The following ACAD11 variants were observed in gnomAD, a reference collection of about 807,000 sequenced individuals.
ACAD11 encodes the protein acyl-CoA dehydrogenase family member 11, also known as acyl-Coenzyme A dehydrogenase family, member 11.
A neutral mutation model predicts 102.2 loss-of-function variants in ACAD11; 83 were observed. That is an observed-to-expected ratio of 0.81 (90% CI 0.68 to 0.97). The LOEUF (loss-of-function observed/expected upper bound fraction) is 0.97, where lower values mean the gene tolerates loss of function less well. Among genes scored for constraint, ACAD11 ranks in the 50% least tolerant of loss-of-function variants. The probability of loss-of-function intolerance (pLI) is 0.00; values close to 1 mark genes in which losing one functional copy is unlikely to be tolerated. For synonymous variants in ACAD11, 324 were observed against 319.8 expected (o/e 1.01, Z -0.14); for missense variants, 901 against 951.7 (o/e 0.95, Z 0.70).
chr3:132,605,274 T>C, intron 11 of ACAD11, 69 bp from the exon 12 acceptor site: 3 of 1,078,726 alleles, frequency 2.8e-6, no homozygotes, highest in South Asian at 3.0e-5. Flanking sequence ...CAACTTTATG[T>C]AGAGAGTATA....
chr3:132,585,132 G>T lies in ACAD11; in HGVS notation c.1622-5574C>A, dbSNP rs1473904743. 2.6e-5 allele frequency among the ~76,000 whole-genome samples: 4 copies of T among 152,186 alleles called. No homozygotes were observed. The East Asian group carries it at 5.9e-4, about 22-fold the overall frequency. ...ACAGTAACCAAACAGCATGGTACTG[G>T]TACCAAAACAGAGATATAGACCAAT... On this transcript the variant is annotated intron_variant, in intron 13 of 19. Coordinates refer to ENST00000264990, the MANE Select transcript of ACAD11 (RefSeq NM_032169.5).
At position 132,631,347 on chromosome 3, in the gene ACAD11, T is replaced by C. The variant is rs756342678; in HGVS notation, c.835A>G (p.Asn279Asp). 1.4e-6 allele frequency: 2 copies of C among 1,446,446 alleles called. No individual in the cohort carries two copies. The highest frequency in any genetic ancestry group is 1.8e-4 in the Middle Eastern group (1 of 5,478). The allele number at this position is 1,446,446 out of a possible 1,614,324, so 89.6% of individuals were successfully genotyped here. ...PMINQGSYSE[N>D]SGIPSMEELI... ...CAACATTATGTTTTTATACCTGAGT[T>C]TTCACTATAAGAACCTTGATTTATC... Residue 279 changes from asparagine (N) to aspartate (D), a missense_variant, in exon 6 of 20, where the codon AAC becomes GAC. Coordinates refer to ENST00000264990, the MANE Select transcript of ACAD11 (RefSeq NM_032169.5).
chr3:132,628,059 A>G (rs1329834457), intron 8 of ACAD11, among the ~76,000 whole-genome samples: 2 of 152,256 alleles, frequency 1.3e-5, no homozygotes, highest in Non-Finnish European at 2.9e-5. Context: ...AAGTGACTTA[A>G]ATATTAGAAA....
In ACAD11 at chr3:132,575,926, C is replaced by G. The variant is rs1286441660; in HGVS notation, c.1847G>C (p.Gly616Ala). The G allele has an allele frequency of 6.2e-7, 1 of 1,613,362 alleles. No individual in the cohort carries two copies. Among genetic ancestry groups the G allele is most frequent in the Non-Finnish European group, 8.5e-7 (1 of 1,179,610 alleles). Residue 616 changes from glycine (G) to alanine (A), a missense_variant and splice_region_variant, in exon 17 of 20, where the codon GGT becomes GCT. Coordinates refer to ENST00000264990, the MANE Select transcript of ACAD11 (RefSeq NM_032169.5). ...VRVPATNLIL[G>A]EGRGFEISQG... ...GGAAATTTCAAATCCCCTACCTTCACCTGGGAAGAAAGGGGAAAAAAAGGG... is the reference window on the plus strand; with the variant it reads ...GGAAATTTCAAATCCCCTACCTTCAGCTGGGAAGAAAGGGGAAAAAAAGGG...
chr3:132,632,869 G>A (rs1378760124), intron 5 of ACAD11, among the ~76,000 whole-genome samples: 1 of 151,950 alleles, frequency 6.6e-6, no homozygotes, highest in Non-Finnish European at 1.5e-5. Context: ...TCATGATTTG[G>A]CTCTCTGTCT....
intron 13 of ACAD11, among the ~76,000 whole-genome samples, chr3:132,584,424 C>T (rs942364123): frequency 6.6e-6 from 1 of 152,144 alleles, no homozygotes; most frequent in African/African-American, 2.4e-5. Context: ...AGACTTTCCT[C>T]CAGCCCTTTA....
At chr3:132,632,758 C>A (rs1189010185) in intron 5 of ACAD11, among the ~76,000 whole-genome samples, 3 of 152,164 alleles carry the variant, frequency 2.0e-5, no homozygotes, top group African/African-American at 7.2e-5. Flanking sequence ...TTTCATTGAG[C>A]AGTGGTTTGT....
intron 13 of ACAD11, chr3:132,601,281 A>C (rs1938582531): frequency 6.2e-7 from 1 of 1,613,888 alleles, no homozygotes; most frequent in Admixed American, 1.7e-5. Context: ...GCACTCTTTC[A>C]CAGCTGCCTC....
At chr3:132,565,571 C>A (rs900349734) in intron 17 of ACAD11, among the ~76,000 whole-genome samples, 1 of 152,130 alleles carries the variant, frequency 6.6e-6, no homozygotes, top group Non-Finnish European at 1.5e-5. Flanking sequence ...TACCAAAAAC[C>A]TGGAACAATT....
intron 6 of ACAD11, among the ~76,000 whole-genome samples, 194 bp downstream of exon 6, chr3:132,631,142 TTAAAG>T (rs1376334891): frequency 1.3e-5 from 2 of 150,062 alleles, no homozygotes; most frequent in African/African-American, 4.9e-5. Context: ...ACCCTAAAAC[TTAAAG>T]TATAATAAAA....
intron 7 of ACAD11, 69 bp from the exon 8 acceptor site, chr3:132,628,515 A>G (rs1328261918): frequency 1.8e-6 from 2 of 1,112,426 alleles, no homozygotes; most frequent in Non-Finnish European, 2.6e-6. Flanking sequence ...CAATCTTTCC[A>G]GTTTCTCAGT....
At chr3:132,640,448 A>T (rs1940449739) in intron 4 of ACAD11, among the ~76,000 whole-genome samples, 1 of 152,216 alleles carries the variant, frequency 6.6e-6, no homozygotes, top group Non-Finnish European at 1.5e-5. Context: ...TTTTACAGGT[A>T]TGAATAGTGT....
At chr3:132,593,495 T>C (rs1343215742) in intron 13 of ACAD11, among the ~76,000 whole-genome samples, 1 of 152,318 alleles carries the variant, frequency 6.6e-6, no homozygotes, top group African/African-American at 2.4e-5. Flanking sequence ...CTGAATTTGT[T>C]ACAAGTCATT....
intron 1 of ACAD11, among the ~76,000 whole-genome samples, chr3:132,646,917 T>C (rs1032680081): frequency 2.0e-5 from 3 of 152,108 alleles, no homozygotes; most frequent in Non-Finnish European, 4.4e-5. Context: ...AGAAAGTAGA[T>C]TAGTAGCAGC....
intron 13 of ACAD11, chr3:132,601,032 C>G: frequency 6.2e-7 from 1 of 1,613,792 alleles, no homozygotes; most frequent in Non-Finnish European, 8.5e-7. Context: ...TTTGTAGTAC[C>G]CTTTCTTATT....
At chr3:132,620,129 G>T (rs758274109) in intron 9 of ACAD11, among the ~76,000 whole-genome samples, 2 of 152,126 alleles carry the variant, frequency 1.3e-5, no homozygotes, top group Non-Finnish European at 2.9e-5. Context: ...CTGCTTGATG[G>T]GTAAAACCTA....
In ACAD11 at chr3:132,558,922, T is replaced by C; in HGVS notation, c.*49A>G. ...ATTCAAATGTTGGAGCCAATGAAGT[T>C]TGTATAAAGGAGAGTTTCTGCCAGT... On this transcript the variant is annotated 3_prime_UTR_variant, in exon 20 of 20. Transcript: ENST00000264990. 7.3e-7 allele frequency: 1 copy of C among 1,362,302 alleles called. No homozygotes were observed. Among genetic ancestry groups the C allele is most frequent in the Non-Finnish European group, 1.0e-6 (1 of 968,524 alleles). 84.4% of individuals were successfully genotyped at this position (1,362,302 alleles called of 1,614,324 possible).
chr3:132,566,199 C>A (rs1241017946), intron 17 of ACAD11, among the ~76,000 whole-genome samples: 1 of 150,514 alleles, frequency 6.6e-6, no homozygotes, highest in African/African-American at 2.5e-5. Context: ...TAAATGGGTT[C>A]CACAGCAGAA....
At chr3:132,627,399 T>C (rs1009339845) in intron 8 of ACAD11, among the ~76,000 whole-genome samples, 3 of 152,148 alleles carry the variant, frequency 2.0e-5, no homozygotes, top group Non-Finnish European at 4.4e-5. Flanking sequence ...GAGCAAAAAA[T>C]CCCGCTTCAT....
Sources: gnomAD v4.1 joint callset for allele counts (sites outside exome capture counted in the v4.1 genomes callset) on GRCh38, gnomAD v4.1.1 for gene constraint, MANE v1.5 for transcripts, NCBI Gene and HGNC (gene_info 2026-07-23, HGNC 2026-07-21) for gene names.